PRKAG2: variants seen among roughly 807,000 people sequenced by gnomAD.
PRKAG2 encodes 5'-AMP-activated protein kinase subunit gamma-2.
PRKAG2 carries 26 observed loss-of-function variants against 69.6 expected under a neutral mutation model. That is an observed-to-expected ratio of 0.37 (90% CI 0.27 to 0.52). The LOEUF (loss-of-function observed/expected upper bound fraction) is 0.52, where lower values mean the gene tolerates loss of function less well. Among genes scored for constraint, PRKAG2 ranks in the 20% least tolerant of loss-of-function variants. The probability of loss-of-function intolerance (pLI) is 0.90; values close to 1 mark genes in which losing one functional copy is unlikely to be tolerated. For synonymous variants in PRKAG2, 293 were observed against 285.0 expected (o/e 1.03, Z -0.28); for missense variants, 557 against 740.0 (o/e 0.75, Z 2.87).
intron 1 of PRKAG2, among the ~76,000 whole-genome samples, chr7:151,857,438 T>C (rs887858673): frequency 4.0e-5 from 6 of 150,852 alleles, no homozygotes; most frequent in Non-Finnish European, 8.9e-5. Flanking sequence ...AATGCATCTA[T>C]AGTCAGCCTA....
chr7:151,603,085 G>A (rs1249448347), intron 5 of PRKAG2, among the ~76,000 whole-genome samples: 1 of 151,968 alleles, frequency 6.6e-6, no homozygotes, highest in African/African-American at 2.4e-5. Context: ...ATCATCACAC[G>A]GAGGCACCCG....
At chr7:151,863,455 TTTGGTGTGAA>T (rs1385692521) in intron 1 of PRKAG2, among the ~76,000 whole-genome samples, 2 of 152,086 alleles carry the variant, frequency 1.3e-5, no homozygotes, top group Non-Finnish European at 2.9e-5. Flanking sequence ...AGCTGAGGCC[TTTGGTGTGAA>T]TGCTTCATCG....
chr7:151,860,357 C>T (rs1233235952), intron 1 of PRKAG2, among the ~76,000 whole-genome samples: 2 of 152,214 alleles, frequency 1.3e-5, no homozygotes, highest in Non-Finnish European at 2.9e-5. Flanking sequence ...CAATACCACA[C>T]ACGGCCACCT....
chr7:151,680,911 T>G (rs757188411), intron 3 of PRKAG2, among the ~76,000 whole-genome samples: 5 of 152,202 alleles, frequency 3.3e-5, no homozygotes, highest in Non-Finnish European at 5.9e-5. Context: ...CCAACATTCT[T>G]CAGGGATGAA....
intron 1 of PRKAG2, among the ~76,000 whole-genome samples, chr7:151,799,670 C>T (rs188475976): frequency 5.6e-4 from 85 of 152,330 alleles, no homozygotes; most frequent in Admixed American, 2.0e-3. Flanking sequence ...GACTGACGGG[C>T]GCGGACACTC....
chr7:151,737,709 A>G (rs994326874), intron 3 of PRKAG2, among the ~76,000 whole-genome samples: 1 of 152,052 alleles, frequency 6.6e-6, no homozygotes, highest in Admixed American at 6.5e-5. Context: ...CTTTTCTCTC[A>G]CCTCTTTCAT....
intron 5 of PRKAG2, among the ~76,000 whole-genome samples, chr7:151,616,066 G>A (rs1820062763): frequency 6.6e-6 from 1 of 152,180 alleles, no homozygotes; most frequent in Admixed American, 6.5e-5. Flanking sequence ...CGTCCTCCTT[G>A]GCAAGCAAAT....
At chr7:151,639,118 C>T (rs781348196) in intron 4 of PRKAG2, among the ~76,000 whole-genome samples, 23 of 152,068 alleles carry the variant, frequency 1.5e-4, no homozygotes, top group Non-Finnish European at 2.2e-4. Flanking sequence ...CTCTCCTGAG[C>T]TCCACACTGC....
chr7:151,596,912 G>C (rs1585122841), intron 5 of PRKAG2, among the ~76,000 whole-genome samples: 1 of 150,884 alleles, frequency 6.6e-6, no homozygotes, highest in Non-Finnish European at 1.5e-5. Context: ...ATTCTTCGCA[G>C]GACAAGAAAA....
chr7:151,605,936 C>CAAAAAAAAAAAAAAAAAAAAAAA (rs560080587), intron 5 of PRKAG2, among the ~76,000 whole-genome samples: 14 of 91,048 alleles, frequency 1.5e-4, no homozygotes, highest in African/African-American at 5.4e-4. Context: ...GACTCCGTCT[C>CAAAAAAAAAAAAAAAAAAAAAAA]AAAAAAAAAA....
intron 1 of PRKAG2, among the ~76,000 whole-genome samples, chr7:151,868,563 T>C (rs570594997): frequency 2.6e-5 from 4 of 152,370 alleles, no homozygotes; most frequent in African/African-American, 9.6e-5. Context: ...TTAAACGACG[T>C]TGACAGAACT....
intron 6 of PRKAG2, among the ~76,000 whole-genome samples, chr7:151,586,567 A>G (rs1184074202): frequency 1.3e-5 from 2 of 152,204 alleles, no homozygotes; most frequent in Non-Finnish European, 2.9e-5. Flanking sequence ...ATCAGAAATG[A>G]GATGTGGTTC....
intron 3 of PRKAG2, among the ~76,000 whole-genome samples, chr7:151,751,014 T>C (rs1202652489): frequency 6.6e-6 from 1 of 152,216 alleles, no homozygotes; most frequent in African/African-American, 2.4e-5. Context: ...TGACTAAGTA[T>C]GCTCATGCTA....
At chr7:151,688,605 T>A (rs917969095) in intron 3 of PRKAG2, among the ~76,000 whole-genome samples, 4 of 152,332 alleles carry the variant, frequency 2.6e-5, no homozygotes, top group Non-Finnish European at 4.4e-5. Context: ...GCTCCCCCAC[T>A]GTGCCCGGGA....
intron 3 of PRKAG2, among the ~76,000 whole-genome samples, chr7:151,759,090 C>G (rs988903657): frequency 1.3e-5 from 2 of 152,192 alleles, no homozygotes; most frequent in African/African-American, 4.8e-5. Flanking sequence ...ACCTCTCCTG[C>G]AAGGCCCCGC....
rs565923311 is a variant in PRKAG2, at chr7:151,711,472, G to A, written c.467-35835C>T. ...AAGCTTAGAGCACTAACAGTGCTAGGCTTAGTAGTAACAGTAATAGGCATC... is the reference window on the plus strand; with the variant it reads ...AAGCTTAGAGCACTAACAGTGCTAGACTTAGTAGTAACAGTAATAGGCATC... On this transcript the variant is annotated intron_variant, in intron 3 of 15. Transcript: ENST00000287878. Among the ~76,000 whole-genome samples the A allele has an allele frequency of 7.9e-5, 12 of 152,338 alleles. No individual in the cohort carries two copies. In the East Asian group the frequency reaches 2.1e-3, roughly 27 times the overall value.
intron 3 of PRKAG2, among the ~76,000 whole-genome samples, chr7:151,737,079 C>G (rs2073478589): frequency 6.6e-6 from 1 of 152,164 alleles, no homozygotes; most frequent in African/African-American, 2.4e-5. Context: ...AAATCCTTGA[C>G]TTTTTGTCTG....
At chr7:151,730,053 C>T (rs1798683941) in intron 3 of PRKAG2, among the ~76,000 whole-genome samples, 1 of 152,170 alleles carries the variant, frequency 6.6e-6, no homozygotes, top group South Asian at 2.1e-4. Flanking sequence ...TTAGAAGAGA[C>T]AGTTTCAGCT....
At chr7:151,842,288 G>A (rs2079319284) in intron 1 of PRKAG2, among the ~76,000 whole-genome samples, 1 of 95,470 alleles carries the variant, frequency 1.0e-5, no homozygotes, top group Admixed American at 1.0e-4. Context: ...TGGTAGCAAT[G>A]GTAGGTAGGG....
Sources: gnomAD v4.1 joint callset for allele counts (sites outside exome capture counted in the v4.1 genomes callset) on GRCh38, gnomAD v4.1.1 for gene constraint, MANE v1.5 for transcripts, NCBI Gene and HGNC (gene_info 2026-07-23, HGNC 2026-07-21) for gene names.